DPYSL4: variants seen among roughly 807,000 people sequenced by gnomAD.
DPYSL4 encodes the protein dihydropyrimidinase-related protein 4.
A neutral mutation model predicts 63.4 loss-of-function variants in DPYSL4; 43 were observed. The ratio of observed to expected loss-of-function variants is 0.68; its 90% CI spans 0.53 to 0.88. DPYSL4 has a LOEUF of 0.88. DPYSL4 is among the 40% of genes least tolerant of loss of function. The probability of loss-of-function intolerance (pLI) is 0.00; values close to 1 mark genes in which losing one functional copy is unlikely to be tolerated. For missense variants in DPYSL4, 733 were observed against 819.5 expected, an observed-to-expected ratio of 0.89 and a Z score of 1.29; for synonymous variants, 353 against 331.7, an observed-to-expected ratio of 1.06 and a Z score of -0.70.
intron 4 of DPYSL4, 90 bp from the exon 5 acceptor site, chr10:132,196,771 C>A: frequency 6.7e-7 from 1 of 1,485,776 alleles, no homozygotes; most frequent in Non-Finnish European, 9.3e-7. Context: ...GGCCCAAGAC[C>A]CCCAACCCTC....
At chr10:132,197,990 C>T (rs573701774) in intron 6 of DPYSL4, among the ~76,000 whole-genome samples, 24 of 152,320 alleles carry the variant, frequency 1.6e-4, no homozygotes, top group African/African-American at 5.1e-4. Flanking sequence ...CTGACACGAG[C>T]GGATGCCGTA....
At chr10:132,187,787 C>G (rs1185604849) in intron 1 of DPYSL4, among the ~76,000 whole-genome samples, 1 of 152,226 alleles carries the variant, frequency 6.6e-6, no homozygotes, top group African/African-American at 2.4e-5. Flanking sequence ...GAGACCCCTC[C>G]CCAACACCCA....
intron 1 of DPYSL4, among the ~76,000 whole-genome samples, chr10:132,189,660 C>T (rs185570081): frequency 1.3e-5 from 2 of 152,320 alleles, no homozygotes; most frequent in East Asian, 1.9e-4. Flanking sequence ...TCCTGACTCC[C>T]AGCCTCTCTG....
intron 4 of DPYSL4, among the ~76,000 whole-genome samples, chr10:132,196,618 T>C (rs2061948467): frequency 6.6e-6 from 1 of 152,210 alleles, no homozygotes; most frequent in Admixed American, 6.5e-5. Context: ...GACAATCAGT[T>C]CCTAACCCGG....
At chr10:132,202,211 G>A (rs1334271905) in intron 11 of DPYSL4, 95 bp downstream of exon 11, 1 of 1,477,486 alleles carries the variant, frequency 6.8e-7, no homozygotes, top group Admixed American at 2.2e-5. Context: ...AGGCCCACGT[G>A]GCAGCAGCAG....
intron 6 of DPYSL4, among the ~76,000 whole-genome samples, chr10:132,197,620 G>C (rs550265395): frequency 6.6e-6 from 1 of 152,364 alleles, no homozygotes; most frequent in East Asian, 1.9e-4. Context: ...GGTACAGATG[G>C]AGTTCAGAGA....
chr10:132,188,205 C>T (rs899973389), intron 1 of DPYSL4, among the ~76,000 whole-genome samples: 31 of 152,212 alleles, frequency 2.0e-4, no homozygotes, highest in African/African-American at 4.8e-4. Context: ...CATGTCAGTG[C>T]GGAGGGGCAG....
intron 8 of DPYSL4, among the ~76,000 whole-genome samples, chr10:132,199,309 C>T (rs980548314): frequency 6.6e-6 from 1 of 152,166 alleles, no homozygotes; most frequent in Non-Finnish European, 1.5e-5. Context: ...GGAGGCCCTC[C>T]CTACATTGCT....
chr10:132,204,373 C>A (rs1356651487), intron 13 of DPYSL4, among the ~76,000 whole-genome samples: 1 of 152,152 alleles, frequency 6.6e-6, no homozygotes, highest in Admixed American at 6.5e-5. Flanking sequence ...CCTGGGAGGG[C>A]TCAGGCTGCC....
At chr10:132,203,513 A>C in intron 12 of DPYSL4, 5 of 535,360 alleles carry the variant, frequency 9.3e-6, no homozygotes, top group Non-Finnish European at 1.7e-5. Context: ...GTTTGCACAC[A>C]CATGCAGATG....
chr10:132,198,308 G>T, intron 6 of DPYSL4, 107 bp from the exon 7 acceptor site: 1 of 1,062,676 alleles, frequency 9.4e-7, no homozygotes. Context: ...GGGAGGCCTG[G>T]GGGTCCAGGA....
rs1208652939 is a variant in DPYSL4 at position 132,192,683 on chromosome 10, C to T, written c.154C>T (p.Pro52Ser). 3 of 1,611,822 alleles carry T rather than the reference C, an allele frequency of 1.9e-6. No individual in the cohort carries two copies. Among genetic ancestry groups the T allele is most frequent in the Non-Finnish European group, 1.7e-6 (2 of 1,179,162 alleles). The change falls in exon 3 of 14, where the codon CCT becomes TCT. Residue 52 changes from proline to serine, a missense_variant. Transcript: ENST00000338492. ...IKQIGENLIV[P>S]GGIKTIDAHG... is the part of the protein sequence containing the mutation. ...ACAAATCGGAGAAAACCTCATCGTC[C>T]CTGGGGGCATCAAGACCATTGACGC...
At chr10:132,204,009 G>T in intron 13 of DPYSL4, 82 bp downstream of exon 13, 1 of 1,503,164 alleles carries the variant, frequency 6.7e-7, no homozygotes, top group Non-Finnish European at 9.0e-7. Flanking sequence ...CCCAGCCTGT[G>T]CCCAGAGGGG....
chr10:132,190,860 T>C, intron 2 of DPYSL4, 25 bp downstream of exon 2: 1 of 1,609,772 alleles, frequency 6.2e-7, no homozygotes, highest in South Asian at 1.1e-5. Context: ...AAAATGAAAA[T>C]ACGTTCCCAG....
At chr10:132,200,116 G>A (rs1438014899) in intron 8 of DPYSL4, among the ~76,000 whole-genome samples, 1 of 152,202 alleles carries the variant, frequency 6.6e-6, no homozygotes, top group Non-Finnish European at 1.5e-5. Context: ...GGCAGAGAGA[G>A]GACTTGGCGT....
intron 3 of DPYSL4, among the ~76,000 whole-genome samples, chr10:132,193,724 C>G (rs1032047383): frequency 6.6e-6 from 1 of 152,256 alleles, no homozygotes; most frequent in African/African-American, 2.4e-5. Flanking sequence ...CTTTGTTGAT[C>G]TGTAAAACAG....
chr10:132,203,956 G>A (rs757855095), intron 13 of DPYSL4, 29 bp downstream of exon 13: 2 of 1,577,740 alleles, frequency 1.3e-6, no homozygotes, highest in South Asian at 1.1e-5. Flanking sequence ...ACCAGTGGGG[G>A]TGAGGGGCTC....
At chr10:132,191,780 G>T (rs1326560225) in intron 2 of DPYSL4, among the ~76,000 whole-genome samples, 1 of 97,058 alleles carries the variant, frequency 1.0e-5, no homozygotes, top group African/African-American at 3.6e-5. Context: ...TGGTATCCAG[G>T]CAGGTGCAAA....
chr10:132,198,753 T>C, intron 7 of DPYSL4, 98 bp from the exon 8 acceptor site: 1 of 1,537,380 alleles, frequency 6.5e-7, no homozygotes, highest in Non-Finnish European at 8.8e-7. Context: ...GCCCTGAGCC[T>C]GGGATCCCAT....
Sources: allele counts gnomAD v4.1 joint callset (sites outside exome capture counted in the v4.1 genomes callset), GRCh38; gene constraint gnomAD v4.1.1; transcripts MANE v1.5; gene names NCBI Gene and HGNC (gene_info 2026-07-23, HGNC 2026-07-21).